The following MALRD1 variants were observed in gnomAD, a reference collection of about 807,000 sequenced individuals.
The protein encoded by MALRD1 is MAM and LDL receptor class A domain containing 1.
In MALRD1, 247 loss-of-function variants were observed where a neutral mutation model predicts 242.1. That is an observed-to-expected ratio of 1.02 (90% CI 0.92 to 1.13). The LOEUF (loss-of-function observed/expected upper bound fraction) is 1.13, where lower values mean the gene tolerates loss of function less well. MALRD1 is among the 50% of genes most tolerant of loss of function. The pLI is 0.00. For synonymous variants in MALRD1, 995 were observed against 866.6 expected, an observed-to-expected ratio of 1.15 and a Z score of -2.60; for missense variants, 2,989 against 2,533.1, an observed-to-expected ratio of 1.18 and a Z score of -3.86.
chr10:19,055,680 GTTCCTGTCACTTT>G (rs2131210354), intron 1 of MALRD1, among the ~76,000 whole-genome samples: 1 of 152,184 alleles, frequency 6.6e-6, no homozygotes, highest in East Asian at 1.9e-4. Context: ...TCCCTTGTGT[GTTCCTGTCACTTT>G]TGCCAAAGTC....
At chr10:19,157,634 G>T (rs1022107654) in intron 12 of MALRD1, among the ~76,000 whole-genome samples, 3 of 152,082 alleles carry the variant, frequency 2.0e-5, no homozygotes, top group Admixed American at 6.5e-5. Context: ...CCAATCCTCC[G>T]AATTGGAACG....
intron 28 of MALRD1, among the ~76,000 whole-genome samples, chr10:19,425,790 G>A (rs61851070): frequency 0.043 from 6,519 of 152,216 alleles, 189 homozygotes; most frequent in Non-Finnish European, 0.065. Context: ...TGGGAGTTGT[G>A]GAGGAGGACG....
At chr10:19,646,537 G>A (rs1840665849) in intron 36 of MALRD1, among the ~76,000 whole-genome samples, 1 of 152,128 alleles carries the variant, frequency 6.6e-6, no homozygotes, top group Non-Finnish European at 1.5e-5. Context: ...CCTGGGAGGC[G>A]GAGGTTGCAG....
intron 5 of MALRD1, among the ~76,000 whole-genome samples, chr10:19,110,573 G>T (rs1353911655): frequency 6.6e-6 from 1 of 152,194 alleles, no homozygotes; most frequent in Non-Finnish European, 1.5e-5. Flanking sequence ...CAAAAGGGAT[G>T]CAATTTATCA....
At chr10:19,220,253 C>A (rs1186091130) in intron 18 of MALRD1, among the ~76,000 whole-genome samples, 1 of 151,992 alleles carries the variant, frequency 6.6e-6, no homozygotes, top group Non-Finnish European at 1.5e-5. Flanking sequence ...TATAGAATAG[C>A]CTATGTAGAG....
At position 19,347,513 on chromosome 10, in the gene MALRD1, G is replaced by T. The variant is rs541959095; in HGVS notation, c.3902-258G>T. On this transcript the variant is annotated intron_variant, in intron 24 of 39. Coordinates refer to ENST00000454679, the MANE Select transcript of MALRD1 (RefSeq NM_001142308.3). The stretch of plus-strand genomic sequence containing the variant: ...TTGACCAAATAGGTATTTAGAGAAG[G>T]AAATGTGTGTAATGCTAAAACAGTT... Among the ~76,000 whole-genome samples, 8 of 152,086 alleles carry T rather than the reference G, an allele frequency of 5.3e-5. No homozygotes were observed. In the East Asian group the frequency reaches 1.4e-3, roughly 26 times the overall value.
chr10:19,639,894 A>G (rs1840307541), intron 36 of MALRD1, among the ~76,000 whole-genome samples: 1 of 152,094 alleles, frequency 6.6e-6, no homozygotes, highest in Non-Finnish European at 1.5e-5. Flanking sequence ...TTTTACATAT[A>G]TTAGAAAATA....
At chr10:19,714,023 G>A (rs749321091) in intron 38 of MALRD1, among the ~76,000 whole-genome samples, 22 of 152,204 alleles carry the variant, frequency 1.4e-4, no homozygotes, top group Middle Eastern at 6.8e-3. Context: ...AGTGTCTAGG[G>A]TTGAGTTTTT....
chr10:19,637,309 G>A (rs141670225), intron 36 of MALRD1, among the ~76,000 whole-genome samples: 5 of 152,124 alleles, frequency 3.3e-5, no homozygotes, highest in Admixed American at 2.0e-4. Flanking sequence ...CAAAAAAAGA[G>A]GTAGAAAACT....
chr10:19,418,253 A>T (rs983244199), intron 28 of MALRD1, among the ~76,000 whole-genome samples: 3 of 151,684 alleles, frequency 2.0e-5, no homozygotes, highest in Admixed American at 1.3e-4. Context: ...TAATAGATCA[A>T]ATATGCACCA....
In MALRD1 at chr10:19,628,160, A is replaced by G. The variant is rs538200197; in HGVS notation, c.6137+12237A>G. Among the ~76,000 whole-genome samples the G allele has an allele frequency of 1.3e-5, 2 of 152,260 alleles. 1 individual carries two copies. The highest frequency in any genetic ancestry group is 3.9e-4 in the East Asian group (2 of 5,178). On this transcript the variant is annotated intron_variant, in intron 36 of 39. Transcript: ENST00000454679. ...ATCCATTATTTATGAGACTATAGAA[A>G]CACTGTCCCTTTTATATATAGCTTG...
intron 11 of MALRD1, among the ~76,000 whole-genome samples, chr10:19,148,789 ATATATAT>A (rs1188277993): frequency 0.043 from 1,786 of 41,790 alleles, 35 homozygotes; most frequent in Middle Eastern, 0.1. Context: ...AAAAAAAAAA[ATATATAT>A]ATATATATAT....
chr10:19,489,063 C>G (rs763000969), intron 29 of MALRD1: 1 of 458,826 alleles, frequency 2.2e-6, no homozygotes, highest in South Asian at 1.5e-5. Flanking sequence ...GGCGGCAGCG[C>G]CAGGCACCGC....
At chr10:19,224,339 T>G (rs941510575) in intron 18 of MALRD1, among the ~76,000 whole-genome samples, 4 of 146,766 alleles carry the variant, frequency 2.7e-5, no homozygotes, top group Admixed American at 7.2e-5. Context: ...CAGGGTGGAG[T>G]GCAGTGGCAC....
intron 26 of MALRD1, among the ~76,000 whole-genome samples, chr10:19,354,617 C>T (rs1024053247): frequency 6.6e-5 from 10 of 151,998 alleles, no homozygotes; most frequent in Non-Finnish European, 1.0e-4. Context: ...AGTGAGAACA[C>T]GTGATATTTG....
chr10:19,125,353 CT>C (rs1405721617), intron 7 of MALRD1, among the ~76,000 whole-genome samples: 2 of 106,678 alleles, frequency 1.9e-5, no homozygotes, highest in African/African-American at 7.7e-5. Flanking sequence ...TTCTTTCTTT[CT>C]TTCTTTCTTT....
At chr10:19,645,344 G>C (rs1028650301) in intron 36 of MALRD1, among the ~76,000 whole-genome samples, 6 of 152,172 alleles carry the variant, frequency 3.9e-5, no homozygotes, top group Non-Finnish European at 7.3e-5. Flanking sequence ...TCTAGAACTA[G>C]AAATACCATT....
At chr10:19,436,706 A>T (rs941771436) in intron 28 of MALRD1, among the ~76,000 whole-genome samples, 1 of 152,166 alleles carries the variant, frequency 6.6e-6, no homozygotes, top group African/African-American at 2.4e-5. Flanking sequence ...ATACATTTGT[A>T]ATACATTTGC....
chr10:19,376,184 A>G (rs1198859637), intron 26 of MALRD1, among the ~76,000 whole-genome samples: 3 of 152,186 alleles, frequency 2.0e-5, no homozygotes, highest in Non-Finnish European at 4.4e-5. Flanking sequence ...TGTTGATTTC[A>G]CTATTTAAAG....
Sources: gnomAD v4.1 joint callset for allele counts (sites outside exome capture counted in the v4.1 genomes callset) on GRCh38, gnomAD v4.1.1 for gene constraint, MANE v1.5 for transcripts, NCBI Gene and HGNC (gene_info 2026-07-23, HGNC 2026-07-21) for gene names.